ALDH1L1: variants seen among roughly 807,000 people sequenced by gnomAD.
The protein encoded by ALDH1L1 is cytosolic 10-formyltetrahydrofolate dehydrogenase.
In ALDH1L1, 68 loss-of-function variants were observed where a neutral mutation model predicts 101.1. That is an observed-to-expected ratio of 0.67 (90% CI 0.55 to 0.82). The LOEUF (loss-of-function observed/expected upper bound fraction) is 0.82, where lower values mean the gene tolerates loss of function less well. ALDH1L1 is among the 40% of genes least tolerant of loss of function. The probability of loss-of-function intolerance (pLI) is 0.00; values close to 1 mark genes in which losing one functional copy is unlikely to be tolerated. For missense variants in ALDH1L1, 1,087 were observed against 1,172.7 expected (o/e 0.93, Z 1.07); for synonymous variants, 486 against 470.8 (o/e 1.03, Z -0.42).
intron 8 of ALDH1L1, among the ~76,000 whole-genome samples, chr3:126,148,065 C>A (rs72967744): frequency 6.6e-6 from 1 of 152,274 alleles, no homozygotes; most frequent in East Asian, 1.9e-4. Flanking sequence ...TCAGACCACA[C>A]CGCTTGGGGC....
At chr3:126,145,285 T>C (rs1018611174) in intron 9 of ALDH1L1, among the ~76,000 whole-genome samples, 27 of 152,188 alleles carry the variant, frequency 1.8e-4, no homozygotes, top group Non-Finnish European at 3.7e-4. Flanking sequence ...GCAGCCTCTG[T>C]GGAGAATGAT....
intron 14 of ALDH1L1, among the ~76,000 whole-genome samples, chr3:126,128,124 C>T (rs937662684): frequency 2.0e-5 from 3 of 152,204 alleles, no homozygotes; most frequent in Admixed American, 6.5e-5. Context: ...CATGGCCAAG[C>T]GAGAAGTTTG....
chr3:126,122,654 A>C (rs538199667), intron 16 of ALDH1L1, among the ~76,000 whole-genome samples: 5 of 152,374 alleles, frequency 3.3e-5, no homozygotes, highest in Non-Finnish European at 4.4e-5. Context: ...ATATGTGTAC[A>C]AAAATACATG....
At chr3:126,168,978 T>G (rs1167075693) in intron 1 of ALDH1L1, among the ~76,000 whole-genome samples, 1 of 152,162 alleles carries the variant, frequency 6.6e-6, no homozygotes, top group African/African-American at 2.4e-5. Flanking sequence ...TTTGTTTGAA[T>G]TATCTTCAAA....
At chr3:126,124,780 G>A (rs1341577775) in intron 15 of ALDH1L1, among the ~76,000 whole-genome samples, 1 of 152,236 alleles carries the variant, frequency 6.6e-6, no homozygotes, top group Non-Finnish European at 1.5e-5. Context: ...TCAGAGGGTT[G>A]TGTGTGATGC....
chr3:126,158,487 T>G lies in ALDH1L1; in HGVS notation c.280A>C (p.Ile94Leu). 1 of 1,614,066 alleles carries G rather than the reference T, an allele frequency of 6.2e-7. No homozygotes were observed. Among genetic ancestry groups the G allele is most frequent in the Non-Finnish European group, 8.5e-7 (1 of 1,179,974 alleles). ...GAGCCATGCCGGGGGGCACTGATTA[T>G]CTCCATGGGGATGAATTGGCTGCAG... ...PFCSQFIPME[I>L]ISAPRHGSII... The change falls in exon 3 of 23, where the codon ATA becomes CTA. Residue 94 changes from isoleucine to leucine, a missense_variant. Physicochemically the swap from Ile to Leu is conservative, Grantham distance 5 (BLOSUM62 2). Transcript: ENST00000393434.
chr3:126,111,320 G>A (rs986888737), intron 19 of ALDH1L1, among the ~76,000 whole-genome samples: 3 of 152,264 alleles, frequency 2.0e-5, no homozygotes, highest in African/African-American at 7.2e-5. Context: ...CTCACTCTTA[G>A]GAGTCTTTCC....
chr3:126,178,946 A>AAT (rs888511721), intron 1 of ALDH1L1, among the ~76,000 whole-genome samples: 17 of 152,024 alleles, frequency 1.1e-4, no homozygotes, highest in African/African-American at 3.9e-4. Flanking sequence ...TCTGAAAAAA[A>AAT]AAAATAAAAG....
chr3:126,142,865 T>G (rs2080593724), intron 9 of ALDH1L1, among the ~76,000 whole-genome samples: 1 of 152,212 alleles, frequency 6.6e-6, no homozygotes, highest in Non-Finnish European at 1.5e-5. Flanking sequence ...GGGTTGGGGT[T>G]GTTCCAAGGC....
chr3:126,132,227 G>C (rs927532632), intron 12 of ALDH1L1, among the ~76,000 whole-genome samples: 1 of 152,208 alleles, frequency 6.6e-6, no homozygotes, highest in Non-Finnish European at 1.5e-5. Flanking sequence ...CAGGCCCAGA[G>C]CAAACTCAGC....
At chr3:126,135,953 G>A (rs1474477578) in intron 11 of ALDH1L1, among the ~76,000 whole-genome samples, 1 of 152,144 alleles carries the variant, frequency 6.6e-6, no homozygotes, top group Non-Finnish European at 1.5e-5. Flanking sequence ...CCTGCTGGGT[G>A]TGGTGAGGGG....
At chr3:126,170,138 G>C (rs1231732718) in intron 1 of ALDH1L1, among the ~76,000 whole-genome samples, 3 of 152,100 alleles carry the variant, frequency 2.0e-5, no homozygotes, top group Non-Finnish European at 4.4e-5. Context: ...ATCTTACTCA[G>C]TCTCAACCCC....
intron 1 of ALDH1L1, among the ~76,000 whole-genome samples, chr3:126,161,870 C>T (rs1280801226): frequency 6.6e-6 from 1 of 152,122 alleles, no homozygotes; most frequent in Non-Finnish European, 1.5e-5. Flanking sequence ...CTCTTTGAGC[C>T]TCTTCTAGTC....
At chr3:126,130,455 G>C (rs1451032618) in intron 13 of ALDH1L1, among the ~76,000 whole-genome samples, 162 bp from the exon 14 acceptor site, 1 of 152,266 alleles carries the variant, frequency 6.6e-6, no homozygotes, top group East Asian at 1.9e-4. Context: ...AGAGGGGCAA[G>C]GTGTTTGCTC....
intron 12 of ALDH1L1, among the ~76,000 whole-genome samples, chr3:126,132,491 G>C (rs1369394253): frequency 6.6e-6 from 1 of 152,198 alleles, no homozygotes; most frequent in African/African-American, 2.4e-5. Context: ...CAAGACCCCA[G>C]CTCCTCTGCC....
intron 2 of ALDH1L1, 147 bp downstream of exon 2, chr3:126,160,706 G>T (rs2108302405): frequency 8.1e-7 from 1 of 1,232,706 alleles, no homozygotes; most frequent in Non-Finnish European, 1.1e-6. Flanking sequence ...ACTGGAGCAG[G>T]ATTCAAGGTA....
rs772324615 is a variant in ALDH1L1, at chr3:126,131,437, C to T, written c.1570G>A (p.Gly524Ser). ...TAGCGGAAGGTCTGGATGGACATGC[C>T]CACGTGGGTCTTCAGGGCCAGCGTG... ...VYTLALKTHV[G>S]MSIQTFRYFA... The change falls in exon 13 of 23, where the codon GGC becomes AGC. Residue 524 changes from glycine to serine, a missense_variant. Physicochemically the swap from Gly to Ser is moderately conservative, Grantham distance 56 (BLOSUM62 0). Transcript: ENST00000393434. 26 of 1,613,242 alleles carry T rather than the reference C, an allele frequency of 1.6e-5. No individual in the cohort carries two copies. Among genetic ancestry groups the T allele is most frequent in the Non-Finnish European group, 2.1e-5 (25 of 1,179,376 alleles).
intron 21 of ALDH1L1, among the ~76,000 whole-genome samples, chr3:126,106,436 A>C (rs1191325638): frequency 6.6e-6 from 1 of 152,194 alleles, no homozygotes; most frequent in Non-Finnish European, 1.5e-5. Context: ...CTACGGAGAC[A>C]AGGGGCAGGC....
In ALDH1L1 at chr3:126,124,408, T is replaced by C; in HGVS notation, c.1844A>G (p.Lys615Arg). ...AACCACACCTTTGGGAATGCCGGCC[T>C]TTAATGTCAGCTCTGCAAACTTCAA... is the stretch of plus-strand genomic sequence containing the variant. The part of the protein sequence containing the change: ...TALKFAELTL[K>R]AGIPKGVVNV... Residue 615 changes from lysine to arginine, a missense_variant, in exon 16 of 23, where the codon AAG (lysine) becomes AGG (arginine). Physicochemically the swap from Lys to Arg is conservative, Grantham distance 26. This residue lies in a region of ALDH1L1 where 442 missense variants were observed against 535.7 expected (regional missense o/e 0.83). Transcript: ENST00000393434. 1 of 1,612,652 alleles carries C rather than the reference T, an allele frequency of 6.2e-7. No homozygotes were observed. Among genetic ancestry groups the C allele is most frequent in the Non-Finnish European group, 8.5e-7 (1 of 1,179,414 alleles).
Sources: allele counts gnomAD v4.1 joint callset (sites outside exome capture counted in the v4.1 genomes callset), GRCh38; gene constraint gnomAD v4.1.1; regional missense constraint gnomAD v4.1.1; transcripts MANE v1.5; gene names NCBI Gene and HGNC (gene_info 2026-07-23, HGNC 2026-07-21).